Variants in AMOT observed in about 807,000 individuals in gnomAD.
AMOT encodes the protein angiomotin.
Under a neutral mutation model 67.0 loss-of-function variants are expected in AMOT, and 11 were observed. The observed-to-expected ratio is 0.16, with a 90% CI of 0.10 to 0.27. The LOEUF (loss-of-function observed/expected upper bound fraction) is 0.27, where lower values mean the gene tolerates loss of function less well. AMOT is among the 10% of genes least tolerant of loss of function. The pLI is 1.00. For missense variants in AMOT, 753 were observed against 852.0 expected (o/e 0.88, Z 1.45); for synonymous variants, 326 against 321.4 (o/e 1.01, Z -0.15).
chrX:112,798,510 G>A (rs896229436), intron 8 of AMOT, among the ~76,000 whole-genome samples: 4 of 112,196 alleles, frequency 3.6e-5, no homozygotes, highest in Non-Finnish European at 7.5e-5. Flanking sequence ...CCACTTAAGG[G>A]TAGAGCCCTT....
chrX:112,796,675 C>G (rs1428870834), intron 8 of AMOT, among the ~76,000 whole-genome samples: 1 of 112,014 alleles, frequency 8.9e-6, no homozygotes, highest in Admixed American at 9.5e-5. Flanking sequence ...CCTAACCCTA[C>G]CCTGACTCCC....
At chrX:112,785,564 G>A (rs915426421) in intron 10 of AMOT, among the ~76,000 whole-genome samples, 2 of 112,246 alleles carry the variant, frequency 1.8e-5, no homozygotes, top group East Asian at 5.6e-4. Flanking sequence ...ACAGCAGTGA[G>A]TTTGGACTTT....
chrX:112,781,237 C>T lies in AMOT; in HGVS notation c.2241-119G>A, dbSNP rs766473143. On this transcript the variant is annotated intron_variant, in intron 11 of 13. Coordinates refer to ENST00000371959, the MANE Select transcript of AMOT (RefSeq NM_001113490.2). The stretch of plus-strand genomic sequence containing the variant: ...TGGGCGGATTGCAAAGTCAGGAGTT[C>T]GAGACCAGCCTGGCCAACATGGTGA... The T allele has an allele frequency of 1.6e-5, 10 of 616,800 alleles. No homozygotes were observed. The Admixed American group carries it at 1.8e-4, about 11-fold the overall frequency. The allele number at this position is 616,800 out of a possible 1,213,427, so 50.8% of individuals were successfully genotyped here.
At position 112,778,493 on chromosome X, in the gene AMOT, A is replaced by G; in HGVS notation, c.*74T>C. On this transcript the variant is annotated 3_prime_UTR_variant, in exon 14 of 14. Coordinates refer to ENST00000371959, the MANE Select transcript of AMOT (RefSeq NM_001113490.2). The stretch of plus-strand genomic sequence containing the variant: ...CCACAACCCTTGTCCTCACCCTCAA[A>G]ACAAGAACCAATAAAAGGGGGAAAA... 9.9e-7 allele frequency: 1 copy of G among 1,014,219 alleles called. No individual in the cohort carries two copies. The highest frequency in any genetic ancestry group is 1.4e-6 in the Non-Finnish European group (1 of 734,873). 83.6% of individuals were successfully genotyped at this position (1,014,219 alleles called of 1,213,427 possible).
intron 8 of AMOT, among the ~76,000 whole-genome samples, chrX:112,798,893 G>T (rs1187170617): frequency 3.6e-5 from 4 of 111,630 alleles, no homozygotes; most frequent in African/African-American, 1.3e-4. Flanking sequence ...CAAGTATTTG[G>T]CAGATCTCTT....
chrX:112,837,501 CTTTT>C (rs1385987124), intron 1 of AMOT, among the ~76,000 whole-genome samples: 1 of 110,985 alleles, frequency 9.0e-6, no homozygotes, highest in Admixed American at 9.6e-5. Context: ...TTCTTTCTTT[CTTTT>C]TCTTTTTCTT....
At chrX:112,795,571 T>C (rs967047663) in intron 8 of AMOT, among the ~76,000 whole-genome samples, 2 of 111,074 alleles carry the variant, frequency 1.8e-5, no homozygotes, top group East Asian at 2.8e-4. Context: ...ACAGCTGAAG[T>C]TGCAACTGAA....
At chrX:112,782,132 G>A (rs1213629831) in intron 11 of AMOT, among the ~76,000 whole-genome samples, 1 of 111,867 alleles carries the variant, frequency 8.9e-6, no homozygotes, top group Non-Finnish European at 1.9e-5. Flanking sequence ...CAGGTGATCC[G>A]CCCGCCTTGG....
At position 112,823,173 on chromosome X, in the gene AMOT, C is replaced by T; in HGVS notation, c.-47G>A. The T allele has an allele frequency of 9.0e-7, 1 of 1,106,820 alleles. No homozygotes were observed. The allele number at this position is 1,106,820 out of a possible 1,213,427, so 91.2% of individuals were successfully genotyped here. ...GTGAAGAGAGAGAGAAATTGGGCACCTGGGCTGCCCTTGACCTGGGAAGGG... is the reference window on the plus strand; with the variant it reads ...GTGAAGAGAGAGAGAAATTGGGCACTTGGGCTGCCCTTGACCTGGGAAGGG... On this transcript the variant is annotated 5_prime_UTR_variant, in exon 4 of 14. Coordinates refer to ENST00000371959, the MANE Select transcript of AMOT (RefSeq NM_001113490.2).
rs1391648850 is a variant in AMOT, at chrX:112,775,130, G to A, written c.*3437C>T. 1 of 109,856 alleles carries A rather than the reference G, an allele frequency of 9.1e-6. No homozygotes were observed. The allele number at this position is 109,856 out of a possible 1,213,427, so 9.1% of individuals were successfully genotyped here. A position where few individuals can be genotyped will look rare whatever the true frequency, so the allele number is the denominator to read the frequency against. ...GTTTCATGGCTCCATGTAACCCATC[G>A]TTGCTACTGGAAAAAAATAAACAAA... On this transcript the variant is annotated 3_prime_UTR_variant, in exon 14 of 14. Transcript: ENST00000371959.
chrX:112,813,216 C>A (rs567451953), intron 5 of AMOT, among the ~76,000 whole-genome samples: 3 of 111,576 alleles, frequency 2.7e-5, no homozygotes, highest in Non-Finnish European at 3.8e-5. Flanking sequence ...TCCCCTACCC[C>A]CTGTGTAGAT....
intron 10 of AMOT, among the ~76,000 whole-genome samples, chrX:112,788,244 G>C (rs1237579788): frequency 9.3e-6 from 1 of 107,226 alleles, no homozygotes; most frequent in Non-Finnish European, 1.9e-5. Flanking sequence ...AGCCGAGATA[G>C]CACCACTGCA....
At chrX:112,830,559 G>A (rs546376579) in intron 2 of AMOT, among the ~76,000 whole-genome samples, 2 of 112,367 alleles carry the variant, frequency 1.8e-5, no homozygotes, top group African/African-American at 6.5e-5. Flanking sequence ...CAAAACACCA[G>A]AGTCCCATGA....
At position 112,840,055 on chromosome X, in the gene AMOT, C is replaced by T. The variant is rs191903016; in HGVS notation, c.-289+397G>A. Among the ~76,000 whole-genome samples, 10 of 111,582 alleles carry T rather than the reference C, an allele frequency of 9.0e-5. No homozygotes were observed. In the Admixed American group the frequency reaches 9.5e-4, roughly 11 times the overall value. ...TGAGTCCCCACCCCAAGCCTAAGCA[C>T]TTAGCAGAAACCTATCTAGTTATCT... On this transcript the variant is annotated intron_variant, in intron 1 of 13. Coordinates refer to ENST00000371959, the MANE Select transcript of AMOT (RefSeq NM_001113490.2).
intron 8 of AMOT, among the ~76,000 whole-genome samples, chrX:112,796,494 T>G (rs1168599045): frequency 8.9e-6 from 1 of 112,290 alleles, no homozygotes; most frequent in Non-Finnish European, 1.9e-5. Flanking sequence ...AAATCCCTCT[T>G]GAACATTCAG....
At position 112,796,359 on chromosome X, in the gene AMOT, ATAG is replaced by A. The variant is rs1324273889; in HGVS notation, c.1777-4381_1777-4379del. Among the ~76,000 whole-genome samples the A allele has an allele frequency of 6.2e-5, 7 of 112,144 alleles. No homozygotes were observed. In the Admixed American group the frequency reaches 6.6e-4, roughly 11 times the overall value. ...CACTTAAAGAATTTCCAAAGCCAAGATAGTGGTTCGAGTGTTTGTGCATAAAAT... is the reference window on the plus strand; with the variant it reads ...CACTTAAAGAATTTCCAAAGCCAAGATGGTTCGAGTGTTTGTGCATAAAAT... On this transcript the variant is annotated intron_variant, in intron 8 of 13. Transcript: ENST00000371959.
chrX:112,822,860 G>T lies in AMOT; in HGVS notation c.267C>A (p.Asn89Lys). The T allele has an allele frequency of 8.6e-7, 1 of 1,167,944 alleles. No individual in the cohort carries two copies. The highest frequency in any genetic ancestry group is 3.3e-5 in the East Asian group (1 of 30,769). Residue 89 changes from asparagine to lysine, a missense_variant, in exon 4 of 14, where the codon AAC becomes AAA. Transcript: ENST00000371959. ...EPQGQEIQSE[N>K]LIMEKQLSPR... ...GAGACAGCTGCTTCTCCATGATGAG[G>T]TTTTCTGACTGGATTTCCTGCCCCT...
chrX:112,827,358 A>G (rs1934869313), intron 2 of AMOT, among the ~76,000 whole-genome samples: 1 of 112,377 alleles, frequency 8.9e-6, no homozygotes, highest in African/African-American at 3.2e-5. Context: ...AGAGTCACAT[A>G]ATGAGGAAAA....
chrX:112,832,360 T>C lies in AMOT; in HGVS notation c.-278A>G, dbSNP rs1445821260. 8.9e-6 allele frequency: 1 copy of C among 112,009 alleles called. No homozygotes were observed. Among genetic ancestry groups the C allele is most frequent in the Non-Finnish European group, 1.9e-5 (1 of 53,270 alleles). The allele number at this position is 112,009 out of a possible 1,213,427, so 9.2% of individuals were successfully genotyped here. On this transcript the variant is annotated 5_prime_UTR_variant, in exon 2 of 14. Transcript: ENST00000371959. ...TTCACTCTGCTATCTTATTTGTCCTTCTTAGCAGCTCTGTGGGGAAATAAA... is the reference window on the plus strand; with the variant it reads ...TTCACTCTGCTATCTTATTTGTCCTCCTTAGCAGCTCTGTGGGGAAATAAA...
Sources: allele counts gnomAD v4.1 joint callset (sites outside exome capture counted in the v4.1 genomes callset), GRCh38; gene constraint gnomAD v4.1.1; transcripts MANE v1.5; gene names NCBI Gene and HGNC (gene_info 2026-07-23, HGNC 2026-07-21).